SLC16A2: variants seen among roughly 807,000 people sequenced by gnomAD.
The protein encoded by SLC16A2 is monocarboxylate transporter 8.
A neutral mutation model predicts 27.2 loss-of-function variants in SLC16A2; 3 were observed. That is an observed-to-expected ratio of 0.11 (90% CI 0.05 to 0.28). The LOEUF is 0.28. Ranked by LOEUF, SLC16A2 falls within the 10% of genes least tolerant of loss-of-function variation. The pLI is 1.00. For synonymous variants in SLC16A2, 202 were observed against 187.8 expected (o/e 1.08, Z -0.62); for missense variants, 295 against 458.5 (o/e 0.64, Z 3.26).
At chrX:74,490,030 C>T (rs1300222577) in intron 1 of SLC16A2, among the ~76,000 whole-genome samples, 2 of 101,551 alleles carry the variant, frequency 2.0e-5, no homozygotes, top group Non-Finnish European at 4.0e-5. Flanking sequence ...ATGGCTTTTA[C>T]TTCAGAACTT....
chrX:74,489,095 A>C (rs1411340691), intron 1 of SLC16A2, among the ~76,000 whole-genome samples: 1 of 111,927 alleles, frequency 8.9e-6, no homozygotes, highest in Non-Finnish European at 1.9e-5. Flanking sequence ...TTATATACAA[A>C]AACTGTGATA....
Position 74,421,530 on chromosome X carries a change from G to GGCAGCGGCAGCAGCAGCCCTCCGA in SLC16A2, c.-102_-79dup. ...CGCGGAGCCTGGAGGAGGAGGCAGC[G>GGCAGCGGCAGCAGCAGCCCTCCGA]GCAGCGGCAGCAGCAGCCCTCCGAG... On this transcript the variant is annotated 5_prime_UTR_variant, in exon 1 of 6. Coordinates refer to ENST00000587091, the MANE Select transcript of SLC16A2 (RefSeq NM_006517.5). 9.7e-7 allele frequency: 1 copy of GGCAGCGGCAGCAGCAGCCCTCCGA among 1,028,031 alleles called. No individual in the cohort carries two copies. The highest frequency in any genetic ancestry group is 2.9e-4 in the Middle Eastern group (1 of 3,406). The allele number at this position is 1,028,031 out of a possible 1,213,427, so 84.7% of individuals were successfully genotyped here.
intron 1 of SLC16A2, among the ~76,000 whole-genome samples, chrX:74,453,078 C>T (rs1195329323): frequency 4.8e-5 from 5 of 104,819 alleles, no homozygotes; most frequent in African/African-American, 1.4e-4. Flanking sequence ...GACAGGGTCT[C>T]GCTCTGCCAC....
At chrX:74,502,235 G>A (rs1488435458) in intron 1 of SLC16A2, among the ~76,000 whole-genome samples, 2 of 111,695 alleles carry the variant, frequency 1.8e-5, no homozygotes, top group African/African-American at 6.5e-5. Flanking sequence ...AAACTCTTGC[G>A]TATGTGATTC....
intron 1 of SLC16A2, among the ~76,000 whole-genome samples, chrX:74,501,499 T>C (rs1025656744): frequency 2.7e-5 from 3 of 111,319 alleles, no homozygotes; most frequent in African/African-American, 9.8e-5. Flanking sequence ...CTAGCCAGTT[T>C]CATGGGGAGG....
chrX:74,474,650 C>T (rs1363488664), intron 1 of SLC16A2, among the ~76,000 whole-genome samples: 57 of 110,159 alleles, frequency 5.2e-4, no homozygotes, highest in African/African-American at 1.5e-3. Flanking sequence ...CCACAACAGG[C>T]CCTGGTGTGT....
At chrX:74,454,093 C>A (rs753124980) in intron 1 of SLC16A2, among the ~76,000 whole-genome samples, 1 of 111,301 alleles carries the variant, frequency 9.0e-6, no homozygotes. Flanking sequence ...TCACTGTTTT[C>A]TTTCCTGTAC....
chrX:74,425,750 T>C lies in SLC16A2; in HGVS notation c.430+3683T>C, dbSNP rs1431089380. Among the ~76,000 whole-genome samples, 18 of 111,970 alleles carry C rather than the reference T, an allele frequency of 1.6e-4. No individual in the cohort carries two copies. In the Admixed American group the frequency reaches 1.7e-3, roughly 11 times the overall value. On this transcript the variant is annotated intron_variant, in intron 1 of 5. Transcript: ENST00000587091. ...GCAGAACAAGCCAGAGTTGCTAACA[T>C]TGGCTCTATGCTTAAGTCTTTTTAA... is the stretch of plus-strand genomic sequence containing the variant.
At chrX:74,438,821 A>T (rs1450464831) in intron 1 of SLC16A2, among the ~76,000 whole-genome samples, 1 of 111,910 alleles carries the variant, frequency 8.9e-6, no homozygotes, top group African/African-American at 3.3e-5. Context: ...TTGTTTGCAG[A>T]GTAGCACAGC....
At chrX:74,439,381 T>C (rs1473555774) in intron 1 of SLC16A2, among the ~76,000 whole-genome samples, 2 of 101,581 alleles carry the variant, frequency 2.0e-5, no homozygotes, top group African/African-American at 7.3e-5. Context: ...GTGATCATGG[T>C]TCACTGCAGC....
In SLC16A2 at chrX:74,421,509, G is replaced by A. The variant is rs771853557; in HGVS notation, c.-129G>A. 3.3e-6 allele frequency: 3 copies of A among 906,283 alleles called. No homozygotes were observed. The highest frequency in any genetic ancestry group is 4.7e-6 in the Non-Finnish European group (3 of 634,737). The allele number at this position is 906,283 out of a possible 1,213,427, so 74.7% of individuals were successfully genotyped here. A position where few individuals can be genotyped will look rare whatever the true frequency, so the allele number is the denominator to read the frequency against. The stretch of plus-strand genomic sequence containing the variant: ...GGACGGGCTGGCCAGCTGGGGCGCG[G>A]AGCCTGGAGGAGGAGGCAGCGGCAG... On this transcript the variant is annotated 5_prime_UTR_variant, in exon 1 of 6. Coordinates refer to ENST00000587091, the MANE Select transcript of SLC16A2 (RefSeq NM_006517.5).
intron 1 of SLC16A2, among the ~76,000 whole-genome samples, chrX:74,502,045 G>C (rs1446563136): frequency 9.0e-6 from 1 of 111,692 alleles, no homozygotes; most frequent in Non-Finnish European, 1.9e-5. Context: ...TCTGCAGACA[G>C]ACTCTTGTCT....
chrX:74,480,598 G>C (rs763372181), intron 1 of SLC16A2, among the ~76,000 whole-genome samples: 1 of 112,602 alleles, frequency 8.9e-6, no homozygotes, highest in East Asian at 2.8e-4. Flanking sequence ...GTAGACTGGA[G>C]TTGTTCCTAT....
At chrX:74,502,647 G>A (rs1930055242) in intron 1 of SLC16A2, among the ~76,000 whole-genome samples, 2 of 112,318 alleles carry the variant, frequency 1.8e-5, no homozygotes, top group African/African-American at 3.2e-5. Context: ...GAAATAGATG[G>A]CATTCACAAG....
intron 1 of SLC16A2, among the ~76,000 whole-genome samples, chrX:74,502,810 T>C (rs1602134573): frequency 9.0e-6 from 1 of 111,167 alleles, no homozygotes; most frequent in East Asian, 2.8e-4. Flanking sequence ...CCATTGCCTC[T>C]CAAACCTGGC....
At position 74,528,394 on chromosome X, in the gene SLC16A2, A is replaced by AG. The variant is rs777123515; in HGVS notation, c.1171-819_1171-818insG. On this transcript the variant is annotated intron_variant, in intron 4 of 5. Coordinates refer to ENST00000587091, the MANE Select transcript of SLC16A2 (RefSeq NM_006517.5). Reference sequence around the variant, plus strand: ...TTCTCTGTGGAGAAGGAAAAAAAAAACAACCTCTGGAAAGGCAGTTTCTTC... The same window carrying AG: ...TTCTCTGTGGAGAAGGAAAAAAAAAAGCAACCTCTGGAAAGGCAGTTTCTTC... Among the ~76,000 whole-genome samples the AG allele has an allele frequency of 2.5e-3, 279 of 111,116 alleles. 1 individual carries two copies. The highest frequency in any genetic ancestry group is 0.016 in the East Asian group (55 of 3,513).
intron 1 of SLC16A2, among the ~76,000 whole-genome samples, chrX:74,467,278 G>C (rs1929268939): frequency 8.9e-6 from 1 of 111,743 alleles, no homozygotes; most frequent in African/African-American, 3.3e-5. Context: ...TAAGAAACTT[G>C]ACCTAGGCTA....
At chrX:74,441,120 C>G (rs890169088) in intron 1 of SLC16A2, among the ~76,000 whole-genome samples, 2 of 109,398 alleles carry the variant, frequency 1.8e-5, no homozygotes, top group African/African-American at 6.7e-5. Context: ...TGCAGTGACA[C>G]GATCTCGGCT....
intron 1 of SLC16A2, among the ~76,000 whole-genome samples, chrX:74,497,562 T>G (rs1929958814): frequency 9.2e-6 from 1 of 108,268 alleles, no homozygotes; most frequent in African/African-American, 3.4e-5. Context: ...GCTTCAGTGG[T>G]TTTTCCAAGC....
Sources: gnomAD v4.1 joint callset for allele counts (sites outside exome capture counted in the v4.1 genomes callset) on GRCh38, gnomAD v4.1.1 for gene constraint, MANE v1.5 for transcripts, NCBI Gene and HGNC (gene_info 2026-07-23, HGNC 2026-07-21) for gene names.